CDH18: variants seen among roughly 807,000 people sequenced by gnomAD.
CDH18 encodes the protein cadherin 18.
Under a neutral mutation model 67.9 loss-of-function variants are expected in CDH18, and 31 were observed. The ratio of observed to expected loss-of-function variants is 0.46; its 90% confidence interval spans 0.34 to 0.62. The LOEUF (loss-of-function observed/expected upper bound fraction) is 0.62. Ranked by LOEUF, CDH18 falls within the 20% of genes least tolerant of loss-of-function variation. The pLI, the probability that CDH18 is intolerant of heterozygous loss-of-function variation, is 0.01. For missense variants in CDH18, 890 were observed against 975.5 expected, an observed-to-expected ratio of 0.91 and a Z score of 1.17; for synonymous variants, 362 against 347.2, an observed-to-expected ratio of 1.04 and a Z score of -0.48.
At chr5:19,561,616 T>C (rs1192394096) in intron 8 of CDH18, among the ~76,000 whole-genome samples, 1 of 152,144 alleles carries the variant, frequency 6.6e-6, no homozygotes, top group Non-Finnish European at 1.5e-5. Context: ...AACATATTCA[T>C]GTAACCAAAC....
chr5:20,490,933 G>T (rs76817556), intron 1 of CDH18, among the ~76,000 whole-genome samples: 2,388 of 152,146 alleles, frequency 0.016, 35 homozygotes, highest in Admixed American at 0.043. Context: ...AACATTAAAT[G>T]ATGGGGGTAT....
chr5:19,926,771 GT>G (rs1793139147), intron 2 of CDH18, among the ~76,000 whole-genome samples: 2 of 151,708 alleles, frequency 1.3e-5, no homozygotes, highest in South Asian at 4.1e-4. Flanking sequence ...TTCCAATTTT[GT>G]TTTTTTCTGA....
intron 2 of CDH18, among the ~76,000 whole-genome samples, chr5:19,980,357 T>C (rs930224792): frequency 1.3e-5 from 2 of 152,078 alleles, no homozygotes; most frequent in South Asian, 2.1e-4. Context: ...CATAAATACA[T>C]ACATCAGAAA....
intron 4 of CDH18, among the ~76,000 whole-genome samples, chr5:19,727,374 A>G: frequency 6.6e-6 from 1 of 152,232 alleles, no homozygotes; most frequent in South Asian, 2.1e-4. Flanking sequence ...ACATATACAC[A>G]GGCATAACAT....
intron 5 of CDH18, among the ~76,000 whole-genome samples, chr5:19,639,578 T>G (rs1197993397): frequency 6.6e-6 from 1 of 152,198 alleles, no homozygotes; most frequent in Non-Finnish European, 1.5e-5. Flanking sequence ...ACCACTTGCA[T>G]GCTGGGATCT....
intron 1 of CDH18, among the ~76,000 whole-genome samples, chr5:20,314,846 T>C (rs866570905): frequency 7.2e-5 from 11 of 151,990 alleles, no homozygotes; most frequent in African/African-American, 2.7e-4. Context: ...GATTTCTAGA[T>C]GAATGTATAC....
intron 2 of CDH18, among the ~76,000 whole-genome samples, chr5:20,136,888 C>A (rs1277456456): frequency 6.6e-6 from 1 of 152,116 alleles, no homozygotes; most frequent in Non-Finnish European, 1.5e-5. Context: ...GTTAAAAATT[C>A]TTTTCTTTAA....
intron 6 of CDH18, among the ~76,000 whole-genome samples, chr5:19,606,203 G>A (rs960360554): frequency 2.6e-4 from 40 of 151,898 alleles, no homozygotes; most frequent in African/African-American, 9.7e-4. Flanking sequence ...CACTGTATAT[G>A]TCTGCAAGAA....
chr5:19,613,141 A>G (rs984912187), intron 5 of CDH18, among the ~76,000 whole-genome samples: 1 of 151,972 alleles, frequency 6.6e-6, no homozygotes, highest in African/African-American at 2.4e-5. Context: ...TGAGACTCCA[A>G]CTAAAAAAAT....
chr5:20,129,859 T>C (rs903642516), intron 2 of CDH18, among the ~76,000 whole-genome samples: 1 of 151,898 alleles, frequency 6.6e-6, no homozygotes, highest in African/African-American at 2.4e-5. Context: ...ATACTGATAA[T>C]AGGTTACAGA....
chr5:20,316,249 A>G (rs10056397), intron 1 of CDH18, among the ~76,000 whole-genome samples: 16,420 of 152,074 alleles, frequency 0.11, 965 homozygotes, highest in Non-Finnish European at 0.13. Context: ...GTGACTGGGA[A>G]TTTATAAATT....
chr5:19,929,725 T>C (rs758306558), intron 2 of CDH18, among the ~76,000 whole-genome samples: 3 of 152,070 alleles, frequency 2.0e-5, no homozygotes, highest in Non-Finnish European at 4.4e-5. Context: ...TAAATGTTGG[T>C]GTGTGAATGT....
chr5:20,205,089 G>A (rs1739776958), intron 2 of CDH18, among the ~76,000 whole-genome samples: 2 of 151,888 alleles, frequency 1.3e-5, no homozygotes, highest in African/African-American at 2.4e-5. Flanking sequence ...GATGGACTCA[G>A]TTATTCAGTT....
chr5:20,548,055 A>G (rs969120176), intron 1 of CDH18, among the ~76,000 whole-genome samples: 3 of 151,632 alleles, frequency 2.0e-5, no homozygotes, highest in African/African-American at 7.2e-5. Flanking sequence ...TAAGACTAAA[A>G]AAAAACAAAA....
intron 1 of CDH18, among the ~76,000 whole-genome samples, chr5:20,516,287 G>A (rs764979570): frequency 1.3e-5 from 2 of 151,772 alleles, no homozygotes; most frequent in African/African-American, 2.4e-5. Context: ...CCTTCTAAGC[G>A]CATAGGAGAA....
intron 1 of CDH18, among the ~76,000 whole-genome samples, chr5:20,339,376 G>A (rs1740057692): frequency 2.0e-5 from 3 of 152,070 alleles, no homozygotes; most frequent in African/African-American, 7.2e-5. Flanking sequence ...ATGGTCTGAG[G>A]TCCCATATGT....
intron 2 of CDH18, among the ~76,000 whole-genome samples, chr5:20,030,795 G>A (rs538654266): frequency 6.6e-6 from 1 of 152,146 alleles, no homozygotes; most frequent in East Asian, 1.9e-4. Context: ...GAAAGAAAGT[G>A]GATTTTATAA....
At chr5:20,148,255 C>A (rs893071539) in intron 2 of CDH18, among the ~76,000 whole-genome samples, 1 of 149,672 alleles carries the variant, frequency 6.7e-6, no homozygotes, top group Non-Finnish European at 1.5e-5. Context: ...CCATACCCGG[C>A]TAATTATTTT....
intron 10 of CDH18, among the ~76,000 whole-genome samples, chr5:19,512,299 AT>A (rs763576598): frequency 2.0e-5 from 3 of 152,194 alleles, no homozygotes; most frequent in Non-Finnish European, 2.9e-5. Context: ...AATTTTTAAA[AT>A]TATAATTAGT....
Sources: gnomAD v4.1 joint callset for allele counts (sites outside exome capture counted in the v4.1 genomes callset) on GRCh38, gnomAD v4.1.1 for gene constraint, MANE v1.5 for transcripts, NCBI Gene and HGNC (gene_info 2026-07-23, HGNC 2026-07-21) for gene names.